HEPACAM2: variants seen among roughly 807,000 people sequenced by gnomAD.
HEPACAM2 encodes the protein HEPACAM family member 2.
In HEPACAM2, 49 loss-of-function variants were observed where a neutral mutation model predicts 49.6. The ratio of observed to expected loss-of-function variants is 0.99; its 90% confidence interval spans 0.78 to 1.25. HEPACAM2 has a LOEUF of 1.25. Ranked by LOEUF, HEPACAM2 falls within the 50% of genes most tolerant of loss-of-function variation. The pLI is 0.00. For synonymous variants in HEPACAM2, 197 were observed against 202.9 expected (o/e 0.97, Z 0.25); for missense variants, 525 against 557.2 (o/e 0.94, Z 0.58).
intron 4 of HEPACAM2, among the ~76,000 whole-genome samples, chr7:93,202,489 T>C (rs1022949322): frequency 3.9e-5 from 6 of 152,096 alleles, no homozygotes; most frequent in Non-Finnish European, 5.9e-5. Context: ...AATTAGTAGG[T>C]AGGCTCTTAC....
At chr7:93,232,214 G>A in the HEPACAM2 span, 2 of 462,278 alleles carry the variant, frequency 4.3e-6, no homozygotes, top group Non-Finnish European at 7.9e-6. Flanking sequence ...AATATTTACC[G>A]GCTTAACTGA....
intron 4 of HEPACAM2, among the ~76,000 whole-genome samples, chr7:93,204,424 G>C (rs1013300440): frequency 6.6e-6 from 1 of 151,660 alleles, no homozygotes; most frequent in Non-Finnish European, 1.5e-5. Flanking sequence ...AGCAATTTTG[G>C]CTCAGTTAAA....
chr7:93,221,664 ATAGT>A (rs1425719516), intron 1 of HEPACAM2, among the ~76,000 whole-genome samples: 2 of 152,186 alleles, frequency 1.3e-5, no homozygotes, highest in African/African-American at 4.8e-5. Context: ...AAAGAGGAAG[ATAGT>A]TAGTTAGAGG....
chr7:93,221,810 A>AT (rs535785524), intron 1 of HEPACAM2, among the ~76,000 whole-genome samples: 2 of 151,826 alleles, frequency 1.3e-5, no homozygotes. Context: ...ACTTCTAAGA[A>AT]TTTTTTTTTC....
chr7:93,188,923 G>A lies in HEPACAM2; in HGVS notation c.*344C>T, dbSNP rs1793465225. 3 of 403,832 alleles carry A rather than the reference G, an allele frequency of 7.4e-6. No individual in the cohort carries two copies. Among genetic ancestry groups the A allele is most frequent in the Non-Finnish European group, 1.3e-5 (3 of 228,678 alleles). 25.0% of individuals were successfully genotyped at this position (403,832 alleles called of 1,614,324 possible). On this transcript the variant is annotated 3_prime_UTR_variant, in exon 10 of 10. Transcript: ENST00000394468. ...CAGGATAGTCTCAGTGTTGATGATAGTGAAAGTGTAGAGTAGAACTAATTG... is the reference window on the plus strand; with the variant it reads ...CAGGATAGTCTCAGTGTTGATGATAATGAAAGTGTAGAGTAGAACTAATTG...
At chr7:93,192,547 C>T (rs1205450297) in intron 8 of HEPACAM2, among the ~76,000 whole-genome samples, 184 bp from the exon 9 acceptor site, 2 of 152,044 alleles carry the variant, frequency 1.3e-5, no homozygotes, top group Non-Finnish European at 2.9e-5. Context: ...GCAGTTTGTG[C>T]AGCAGCATAG....
intron 4 of HEPACAM2, among the ~76,000 whole-genome samples, chr7:93,200,775 CT>C (rs1421986441): frequency 6.6e-6 from 1 of 152,098 alleles, no homozygotes; most frequent in Non-Finnish European, 1.5e-5. Flanking sequence ...TTATCCTAGT[CT>C]TTATAAATTT....
At chr7:93,226,740 C>T (rs116929191), upstream of HEPACAM2, among the ~76,000 whole-genome samples, 1,019 of 152,130 alleles carry the variant, frequency 6.7e-3, 12 homozygotes, top group Non-Finnish European at 9.7e-3. Flanking sequence ...CATCCTTTTG[C>T]GTGACTTTAC....
intron 1 of HEPACAM2, among the ~76,000 whole-genome samples, chr7:93,222,393 C>T (rs575983011): frequency 6.6e-6 from 1 of 152,016 alleles, no homozygotes; most frequent in South Asian, 2.1e-4. Context: ...GTATTGCTCC[C>T]TCCTTTTTTT....
intron 4 of HEPACAM2, among the ~76,000 whole-genome samples, chr7:93,197,973 C>T (rs1227227864): frequency 6.6e-6 from 1 of 152,018 alleles, no homozygotes. Flanking sequence ...CATTTTCCTT[C>T]CATTTTGCTT....
upstream of HEPACAM2, among the ~76,000 whole-genome samples, chr7:93,231,172 C>A (rs1357371276): frequency 6.6e-6 from 1 of 152,170 alleles, no homozygotes; most frequent in African/African-American, 2.4e-5. Flanking sequence ...GACTACCACC[C>A]ATACTATTGT....
the HEPACAM2 span, among the ~76,000 whole-genome samples, chr7:93,231,908 G>A: frequency 1.3e-5 from 2 of 152,090 alleles, no homozygotes; most frequent in Non-Finnish European, 2.9e-5. Context: ...CAGCGCGCCC[G>A]GGGTAGTCTC....
At chr7:93,223,587 A>G (rs1452039685) in intron 1 of HEPACAM2, among the ~76,000 whole-genome samples, 1 of 152,182 alleles carries the variant, frequency 6.6e-6, no homozygotes, top group Non-Finnish European at 1.5e-5. Context: ...ATTGCCATCA[A>G]TATCTCTGAA....
chr7:93,219,462 G>A lies in HEPACAM2; in HGVS notation c.80-11C>T. 1.9e-6 allele frequency: 3 copies of A among 1,613,568 alleles called. No homozygotes were observed. Among genetic ancestry groups the A allele is most frequent in the Non-Finnish European group, 2.5e-6 (3 of 1,179,890 alleles). On this transcript the variant is annotated splice_polypyrimidine_tract_variant and intron_variant, in intron 1 of 9. Transcript: ENST00000394468. ...GCCCCGAGCAAGCACCTGTTGCAAA[G>A]GAAAGGAAAGTTGTGAAGACCTTGA...
intron 4 of HEPACAM2, among the ~76,000 whole-genome samples, chr7:93,198,028 G>A (rs926189660): frequency 5.3e-5 from 8 of 152,008 alleles, no homozygotes; most frequent in Non-Finnish European, 8.8e-5. Flanking sequence ...GAGATGGTAT[G>A]TGATTAAAGG....
Position 93,219,408 on chromosome 7 carries a change from GAC to G in HEPACAM2, c.121_122del (p.Val41ProfsTer30), listed in dbSNP as rs777461135. 9.9e-6 allele frequency: 16 copies of G among 1,614,014 alleles called. No individual in the cohort carries two copies. In the South Asian group the frequency reaches 1.8e-4, roughly 18 times the overall value. ...GLKVTVPSHT[V>X]HGVRGQALYL... ...AGAGGGCCTGACCTCTGACGCCATGGACAGTGTGTGATGGCACTGTCACCTTC... is the reference window on the plus strand; with the variant it reads ...AGAGGGCCTGACCTCTGACGCCATGGAGTGTGTGATGGCACTGTCACCTTC... On this transcript the variant is annotated frameshift_variant, in exon 2 of 10. Transcript: ENST00000394468. LOFTEE classifies it high-confidence loss of function.
chr7:93,210,814 T>A (rs1442512978), intron 3 of HEPACAM2, among the ~76,000 whole-genome samples: 2 of 151,962 alleles, frequency 1.3e-5, no homozygotes, highest in African/African-American at 4.8e-5. Context: ...ATTTTTTCAA[T>A]CACTAGCTAG....
At chr7:93,203,771 C>A (rs145146598) in intron 4 of HEPACAM2, among the ~76,000 whole-genome samples, 1 of 152,108 alleles carries the variant, frequency 6.6e-6, no homozygotes, top group African/African-American at 2.4e-5. Context: ...GTCTGTGTAT[C>A]CATTTCTACA....
chr7:93,207,184 T>C (rs1794049959), intron 4 of HEPACAM2, among the ~76,000 whole-genome samples: 1 of 152,140 alleles, frequency 6.6e-6, no homozygotes. Context: ...CATATTGAGT[T>C]TCTCTGTATT....
Sources: gnomAD v4.1 joint callset for allele counts (sites outside exome capture counted in the v4.1 genomes callset) on GRCh38, gnomAD v4.1.1 for gene constraint, MANE v1.5 for transcripts, NCBI Gene and HGNC (gene_info 2026-07-23, HGNC 2026-07-21) for gene names.